EPDR1: variants seen among roughly 807,000 people sequenced by gnomAD.
EPDR1 encodes ependymin related 1.
A neutral mutation model predicts 23.7 loss-of-function variants in EPDR1; 27 were observed. That is an observed-to-expected ratio of 1.14 (90% CI 0.84 to 1.57). The LOEUF is 1.57. Ranked by LOEUF, EPDR1 falls within the 40% of genes most tolerant of loss-of-function variation. EPDR1 has a pLI of 0.00. For synonymous variants in EPDR1, 137 were observed against 118.2 expected (o/e 1.16, Z -1.03); for missense variants, 349 against 290.4 (o/e 1.20, Z -1.47).
chr7:37,943,477 C>T (rs998726219), intron 1 of EPDR1, among the ~76,000 whole-genome samples: 7 of 152,214 alleles, frequency 4.6e-5, no homozygotes, highest in Admixed American at 3.9e-4. Context: ...GATGCAGAGA[C>T]TTATGTCCTA....
intron 1 of EPDR1, among the ~76,000 whole-genome samples, chr7:37,929,796 C>A (rs1785893628): frequency 6.6e-6 from 1 of 152,176 alleles, no homozygotes; most frequent in African/African-American, 2.4e-5. Context: ...ATGCCCCAAA[C>A]TCCTTTCGCC....
intron 1 of EPDR1, among the ~76,000 whole-genome samples, chr7:37,923,037 G>A (rs909568264): frequency 6.6e-6 from 1 of 152,164 alleles, no homozygotes; most frequent in African/African-American, 2.4e-5. Context: ...TTAGAGCTGA[G>A]TAAATTCCAA....
intron 1 of EPDR1, among the ~76,000 whole-genome samples, chr7:37,931,015 T>C (rs1401900310): frequency 1.3e-5 from 2 of 152,112 alleles, no homozygotes; most frequent in African/African-American, 4.8e-5. Flanking sequence ...TATTTACCTT[T>C]ATTTCAATTC....
At chr7:37,943,173 T>G (rs1009946114) in intron 1 of EPDR1, among the ~76,000 whole-genome samples, 1 of 152,248 alleles carries the variant, frequency 6.6e-6, no homozygotes, top group Non-Finnish European at 1.5e-5. Context: ...TCTGCTGTTG[T>G]TGACCTGGGC....
At position 37,940,275 on chromosome 7, in the gene EPDR1, G is replaced by A. The variant is rs376012517; in HGVS notation, c.270-8565G>A. 6.9e-4 allele frequency among the ~76,000 whole-genome samples: 105 copies of A among 152,272 alleles called. 1 individual carries two copies. In the South Asian group the frequency reaches 0.021, roughly 31 times the overall value. On this transcript the variant is annotated intron_variant, in intron 1 of 2. Transcript: ENST00000199448. The stretch of plus-strand genomic sequence containing the variant: ...AATAAAATGGAAGCAGTTGAAAAGT[G>A]TTATCTATAAGGAGCATGAGGAATA...
rs773962412 is a variant in EPDR1 at position 37,920,861 on chromosome 7, C to T, written c.-79C>T. 1.9e-6 allele frequency: 3 copies of T among 1,609,794 alleles called. No homozygotes were observed. In the East Asian group the frequency reaches 6.7e-5, roughly 36 times the overall value. ...CCCGGCACAGTGCGGAAAGAGCCGG[C>T]GGGAGCCACTCTGATCCCGGACGCC... On this transcript the variant is annotated 5_prime_UTR_variant, in exon 1 of 3. Transcript: ENST00000199448.
chr7:37,922,732 T>C, intron 1 of EPDR1, among the ~76,000 whole-genome samples: 1 of 152,188 alleles, frequency 6.6e-6, no homozygotes, highest in East Asian at 1.9e-4. Flanking sequence ...CAAGCATTTG[T>C]TCATGTTAGG....
chr7:37,924,404 A>G (rs1785775455), intron 1 of EPDR1, among the ~76,000 whole-genome samples: 1 of 152,130 alleles, frequency 6.6e-6, no homozygotes, highest in Admixed American at 6.5e-5. Flanking sequence ...TGCTACCCCA[A>G]CTGTGCTGTT....
At chr7:37,938,554 A>G (rs1786105537) in intron 1 of EPDR1, among the ~76,000 whole-genome samples, 1 of 152,210 alleles carries the variant, frequency 6.6e-6, no homozygotes, top group African/African-American at 2.4e-5. Context: ...CAGAAGGCGA[A>G]CATGCAAAAT....
At chr7:37,939,155 A>T (rs557096430) in intron 1 of EPDR1, among the ~76,000 whole-genome samples, 1 of 151,830 alleles carries the variant, frequency 6.6e-6, no homozygotes, top group African/African-American at 2.4e-5. Context: ...ATTTTTTTGT[A>T]TTTTTAGTAG....
chr7:37,948,017 G>A (rs115679928), intron 1 of EPDR1, among the ~76,000 whole-genome samples: 2,855 of 152,306 alleles, frequency 0.019, 93 homozygotes, highest in African/African-American at 0.065. Flanking sequence ...CGCCCGTGCC[G>A]GATCAGCTAT....
At chr7:37,947,496 G>A (rs962597319) in intron 1 of EPDR1, among the ~76,000 whole-genome samples, 10 of 152,082 alleles carry the variant, frequency 6.6e-5, no homozygotes, top group African/African-American at 1.2e-4. Context: ...ATTTTTTTCC[G>A]AAGAAAATAG....
intron 2 of EPDR1, 66 bp downstream of exon 2, chr7:37,949,114 T>A: frequency 6.7e-7 from 1 of 1,487,058 alleles, no homozygotes; most frequent in Non-Finnish European, 9.2e-7. Context: ...TTTAAGTCCT[T>A]TAAGGAAGGT....
intron 1 of EPDR1, among the ~76,000 whole-genome samples, chr7:37,932,976 G>A (rs1178553783): frequency 6.6e-6 from 1 of 152,146 alleles, no homozygotes; most frequent in East Asian, 1.9e-4. Flanking sequence ...TTCTTAAATG[G>A]CAAACATAAT....
chr7:37,922,373 A>T (rs999489339), intron 1 of EPDR1, among the ~76,000 whole-genome samples: 1 of 152,206 alleles, frequency 6.6e-6, no homozygotes, highest in Non-Finnish European at 1.5e-5. Flanking sequence ...TGCAGCACAG[A>T]GCAGCACAGT....
At chr7:37,921,526 C>G (rs1785705718) in intron 1 of EPDR1, 8 of 1,298,226 alleles carry the variant, frequency 6.2e-6, no homozygotes, top group Non-Finnish European at 7.8e-6. Context: ...TGTTCTCACG[C>G]TGCTGAGTCA....
At chr7:37,932,141 C>T (rs1318695848) in intron 1 of EPDR1, among the ~76,000 whole-genome samples, 1 of 147,358 alleles carries the variant, frequency 6.8e-6, no homozygotes, top group African/African-American at 2.5e-5. Flanking sequence ...TTTGCTTTAG[C>T]CTTTTCATCA....
chr7:37,922,339 G>A (rs1785723661), intron 1 of EPDR1, among the ~76,000 whole-genome samples: 1 of 152,030 alleles, frequency 6.6e-6, no homozygotes, highest in African/African-American at 2.4e-5. Context: ...CAATATCAAG[G>A]GTGCAAAATA....
Position 37,948,955 on chromosome 7 carries a change from C to G in EPDR1, c.385C>G (p.Gln129Glu). The stretch of plus-strand genomic sequence containing the variant: ...GCCCTGGGATCCTCTTGACATTCCT[C>G]AAAACTCCACCTTTGAAGACCAGTA... ...TQPWDPLDIP[Q>E]NSTFEDQYSI... Residue 129 changes from glutamine (Q) to glutamate (E), a missense_variant, in exon 2 of 3, where the codon CAA becomes GAA. By Grantham distance (29) the Gln-to-Glu change is conservative. Coordinates refer to ENST00000199448, the MANE Select transcript of EPDR1 (RefSeq NM_017549.5). 1 of 1,614,156 alleles carries G rather than the reference C, an allele frequency of 6.2e-7. No homozygotes were observed. The highest frequency in any genetic ancestry group is 8.5e-7 in the Non-Finnish European group (1 of 1,180,004).
Sources: allele counts gnomAD v4.1 joint callset (sites outside exome capture counted in the v4.1 genomes callset), GRCh38; gene constraint gnomAD v4.1.1; transcripts MANE v1.5; gene names NCBI Gene and HGNC (gene_info 2026-07-23, HGNC 2026-07-21).